The following POLR3A variants were observed in gnomAD, a reference collection of about 807,000 sequenced individuals.
POLR3A encodes RNA polymerase III subunit A.
In POLR3A, 112 loss-of-function variants were observed where a neutral mutation model predicts 152.8. That is an observed-to-expected ratio of 0.73 (90% CI 0.63 to 0.86). The LOEUF (loss-of-function observed/expected upper bound fraction) is 0.86, where lower values mean the gene tolerates loss of function less well. Among genes scored for constraint, POLR3A ranks in the 40% least tolerant of loss-of-function variants. The pLI, the probability that POLR3A is intolerant of heterozygous loss-of-function variation, is 0.00. For missense variants in POLR3A, 1,385 were observed against 1,743.1 expected (o/e 0.79, Z 3.66); for synonymous variants, 615 against 652.1 (o/e 0.94, Z 0.87).
chr10:77,998,548 C>A (rs1217212214), intron 19 of POLR3A, among the ~76,000 whole-genome samples: 1 of 152,166 alleles, frequency 6.6e-6, no homozygotes, highest in African/African-American at 2.4e-5. Context: ...ACACATGAAA[C>A]AATGCTCATC....
intron 16 of POLR3A, among the ~76,000 whole-genome samples, chr10:78,003,796 T>C (rs945736460): frequency 6.6e-6 from 1 of 150,724 alleles, no homozygotes; most frequent in Non-Finnish European, 1.5e-5. Flanking sequence ...GGCATGGTGG[T>C]GGGCGCCTGT....
At chr10:77,999,691 T>G (rs1164343015) in intron 19 of POLR3A, among the ~76,000 whole-genome samples, 2 of 152,162 alleles carry the variant, frequency 1.3e-5, no homozygotes, top group African/African-American at 4.8e-5. Context: ...CGAGGCTTAG[T>G]GAGGTTGAAT....
chr10:78,023,953 C>T lies in POLR3A; in HGVS notation c.645+596G>A, dbSNP rs573111059. Reference sequence around the variant, plus strand: ...AGGAGTTTGAGACCAGACTGGGCAACACAGCAAGACCCCATCTCAATTAAA... The same window carrying T: ...AGGAGTTTGAGACCAGACTGGGCAATACAGCAAGACCCCATCTCAATTAAA... On this transcript the variant is annotated intron_variant, in intron 5 of 30. Coordinates refer to ENST00000372371, the MANE Select transcript of POLR3A (RefSeq NM_007055.4). Among the ~76,000 whole-genome samples, 10 of 151,878 alleles carry T rather than the reference C, an allele frequency of 6.6e-5. No homozygotes were observed. In the South Asian group the frequency reaches 1.2e-3, roughly 19 times the overall value.
intron 30 of POLR3A, among the ~76,000 whole-genome samples, chr10:77,979,790 C>T (rs1329942391): frequency 6.6e-6 from 1 of 152,212 alleles, no homozygotes; most frequent in East Asian, 1.9e-4. Flanking sequence ...CCAGTACCTG[C>T]TCCTGTCAGC....
chr10:77,986,934 AGCCCTGACTCAG>A (rs1847204036), intron 21 of POLR3A, among the ~76,000 whole-genome samples: 1 of 152,238 alleles, frequency 6.6e-6, no homozygotes, highest in South Asian at 2.1e-4. Flanking sequence ...TAGAGACTAC[AGCCCTGACTCAG>A]GTTTTCTGGC....
Position 77,975,737 on chromosome 10 carries a change from A to G in POLR3A, c.*1741T>C, listed in dbSNP as rs893922831. The G allele has an allele frequency of 3.3e-5, 5 of 152,192 alleles. No homozygotes were observed. Among genetic ancestry groups the G allele is most frequent in the South Asian group, 2.1e-4 (1 of 4,822 alleles). 9.4% of individuals were successfully genotyped at this position (152,192 alleles called of 1,614,324 possible). ...TGCCGGAGTTCACTCCTATGATTCA[A>G]TTCTACCCTCCCCTGGCCTTTGCAC... is the stretch of plus-strand genomic sequence containing the variant. On this transcript the variant is annotated 3_prime_UTR_variant, in exon 31 of 31. Transcript: ENST00000372371.
intron 21 of POLR3A, among the ~76,000 whole-genome samples, chr10:77,988,415 G>T (rs1022831269): frequency 9.9e-5 from 15 of 152,014 alleles, no homozygotes; most frequent in Non-Finnish European, 1.5e-4. Context: ...CCAGCTATTT[G>T]GGAGGCTGAG....
chr10:78,004,591 C>T (rs552933366), intron 16 of POLR3A, 125 bp downstream of exon 16: 17 of 770,644 alleles, frequency 2.2e-5, no homozygotes, highest in African/African-American at 1.0e-4. Context: ...ACAGGACAGA[C>T]GCCAATGCCT....
chr10:78,006,694 C>T (rs946170670), intron 15 of POLR3A, among the ~76,000 whole-genome samples: 2 of 152,014 alleles, frequency 1.3e-5, no homozygotes, highest in Non-Finnish European at 2.9e-5. Flanking sequence ...TGGAAGGACA[C>T]ACAGCTGCAG....
At chr10:78,020,505 C>A (rs1407456284) in intron 8 of POLR3A, among the ~76,000 whole-genome samples, 1 of 149,412 alleles carries the variant, frequency 6.7e-6, no homozygotes, top group Admixed American at 6.7e-5. Flanking sequence ...AAAAAAAAAC[C>A]AGGCCGGATG....
chr10:77,982,820 G>A lies in POLR3A; in HGVS notation c.3430-3C>T. On this transcript the variant is annotated splice_polypyrimidine_tract_variant and splice_region_variant and intron_variant, in intron 26 of 30. Coordinates refer to ENST00000372371, the MANE Select transcript of POLR3A (RefSeq NM_007055.4). ...TATCTCACTGTCTCAGCGTTCACCT[G>A]CAACATGGCCAGGTGTAGGTGTTAC... 1 of 1,613,560 alleles carries A rather than the reference G, an allele frequency of 6.2e-7. No individual in the cohort carries two copies.
At chr10:78,005,768 T>C (rs1388414808) in intron 15 of POLR3A, among the ~76,000 whole-genome samples, 7 of 152,210 alleles carry the variant, frequency 4.6e-5, no homozygotes, top group Admixed American at 3.3e-4. Context: ...CGAAATGGAA[T>C]CAGAGAGGCT....
At position 78,029,473 on chromosome 10, in the gene POLR3A, C is replaced by T. The variant is rs551403571; in HGVS notation, c.-66G>A. 3.7e-5 allele frequency: 56 copies of T among 1,532,216 alleles called. No individual in the cohort carries two copies. In the African/African-American group the frequency reaches 6.8e-4, roughly 19 times the overall value. The allele number at this position is 1,532,216 out of a possible 1,614,324, so 94.9% of individuals were successfully genotyped here. A position where few individuals can be genotyped will look rare whatever the true frequency, so the allele number is the denominator to read the frequency against. On this transcript the variant is annotated 5_prime_UTR_variant, in exon 1 of 31. Transcript: ENST00000372371. ...CAGATTAGAGAAACGATGCCCCCAG[C>T]ACCTCCTGGGGCTGCTTCTGGACTC...
intron 23 of POLR3A, 115 bp from the exon 24 acceptor site, chr10:77,985,455 GT>G: frequency 1.2e-6 from 1 of 831,004 alleles, no homozygotes; most frequent in Non-Finnish European, 2.1e-6. Flanking sequence ...TGCTATTAGG[GT>G]CGGAAAGGGT....
intron 21 of POLR3A, among the ~76,000 whole-genome samples, chr10:77,987,886 A>G (rs924838049): frequency 6.6e-6 from 1 of 152,212 alleles, no homozygotes; most frequent in Non-Finnish European, 1.5e-5. Flanking sequence ...ACCACCCTAG[A>G]GCAGAAGGCA....
chr10:78,019,098 T>A, intron 9 of POLR3A, 64 bp downstream of exon 9: 1 of 1,106,712 alleles, frequency 9.0e-7, no homozygotes. Flanking sequence ...TGTGGCTGAG[T>A]ATGACCACAG....
chr10:77,981,568 A>C lies in POLR3A; in HGVS notation c.3760-9T>G, dbSNP rs1847142598. The stretch of plus-strand genomic sequence containing the variant: ...CCCAGAGTTTTCTCCACCTACAGAG[A>C]GCCAGTAATGAGCAGAAGCAGCCCC... On this transcript the variant is annotated splice_polypyrimidine_tract_variant and intron_variant, in intron 28 of 30. Coordinates refer to ENST00000372371, the MANE Select transcript of POLR3A (RefSeq NM_007055.4). 1 of 1,613,842 alleles carries C rather than the reference A, an allele frequency of 6.2e-7. No homozygotes were observed. The highest frequency in any genetic ancestry group is 1.3e-5 in the African/African-American group (1 of 74,894).
chr10:78,007,864 C>G lies in POLR3A; in HGVS notation c.1912G>C (p.Val638Leu). The change falls in exon 15 of 31, where the codon GTT becomes CTT. Residue 638 changes from valine to leucine, a missense_variant and splice_region_variant. Transcript: ENST00000372371. Reference sequence around the variant, plus strand: ...ATCAACTCACTGTTCTGGATTGTAACATCTGGAAGAATGATTATATATTTA... The same window carrying G: ...ATCAACTCACTGTTCTGGATTGTAAGATCTGGAAGAATGATTATATATTTA... ...GEDLCANDSY[V>L]TIQNSELMSG... 6.2e-7 allele frequency: 1 copy of G among 1,610,982 alleles called. No individual in the cohort carries two copies. Among genetic ancestry groups the G allele is most frequent in the Non-Finnish European group, 8.5e-7 (1 of 1,177,234 alleles).
At chr10:77,987,227 T>C (rs973631717) in intron 21 of POLR3A, among the ~76,000 whole-genome samples, 45 of 152,272 alleles carry the variant, frequency 3.0e-4, no homozygotes, top group African/African-American at 1.1e-3. Context: ...GCCATTATCC[T>C]GCCATCCCGG....
Sources: allele counts gnomAD v4.1 joint callset (sites outside exome capture counted in the v4.1 genomes callset), GRCh38; gene constraint gnomAD v4.1.1; transcripts MANE v1.5; gene names NCBI Gene and HGNC (gene_info 2026-07-23, HGNC 2026-07-21).